The following IP6K3 variants were observed in gnomAD, a reference collection of about 807,000 sequenced individuals.
IP6K3 encodes the protein ATP:1D-myo-inositol-hexakisphosphate phosphotransferase.
IP6K3 carries 20 observed loss-of-function variants against 28.8 expected under a neutral mutation model. The observed-to-expected ratio is 0.70, with a 90% CI of 0.49 to 1.01. IP6K3 has a LOEUF of 1.01. IP6K3 is among the 50% of genes least tolerant of loss of function. The probability of loss-of-function intolerance (pLI) is 0.00; values close to 1 mark genes in which losing one functional copy is unlikely to be tolerated. For missense variants in IP6K3, 480 were observed against 537.1 expected, an observed-to-expected ratio of 0.89 and a Z score of 1.05; for synonymous variants, 213 against 221.3, an observed-to-expected ratio of 0.96 and a Z score of 0.33.
At chr6:33,749,606 C>T (rs1222348767), upstream of IP6K3, among the ~76,000 whole-genome samples, 1 of 150,720 alleles carries the variant, frequency 6.6e-6, no homozygotes, top group Non-Finnish European at 1.5e-5. Flanking sequence ...CCACTCAGGT[C>T]CTCAGGGACA....
intron 1 of IP6K3, among the ~76,000 whole-genome samples, chr6:33,736,824 C>T (rs59957785): frequency 0.056 from 8,564 of 152,272 alleles, 258 homozygotes; most frequent in African/African-American, 0.069. Context: ...CTCAATTTCT[C>T]CTTCTCCCTC....
the IP6K3 span, among the ~76,000 whole-genome samples, chr6:33,752,329 G>A: frequency 7.2e-5 from 11 of 152,242 alleles, no homozygotes; most frequent in Admixed American, 6.5e-4. Context: ...GAACTTTGCT[G>A]CCTTCTCTAG....
chr6:33,750,297 C>T (rs1244052121), upstream of IP6K3, among the ~76,000 whole-genome samples: 2 of 152,224 alleles, frequency 1.3e-5, no homozygotes, highest in African/African-American at 2.4e-5. This position sits in a 1 kb window ranked among gnomAD's most constrained non-coding sequence, Gnocchi z 4.3. Flanking sequence ...ATTCAAGTCA[C>T]GTCACTTTGC....
upstream of IP6K3, among the ~76,000 whole-genome samples, chr6:33,748,763 G>T (rs1006936476): frequency 6.6e-6 from 1 of 151,796 alleles, no homozygotes; most frequent in Non-Finnish European, 1.5e-5. Flanking sequence ...CCACTGTGTG[G>T]ATGGACGTGG....
chr6:33,735,206 T>C (rs1026926451), intron 2 of IP6K3, 72 bp downstream of exon 2: 4 of 1,288,154 alleles, frequency 3.1e-6, no homozygotes, highest in Non-Finnish European at 3.3e-6. Flanking sequence ...CAGGAGGACG[T>C]GGTGGGTGCA....
rs116654614 is a variant in IP6K3 at position 33,728,801 on chromosome 6, C to T, written c.200-501G>A. On this transcript the variant is annotated intron_variant, in intron 2 of 5. Coordinates refer to ENST00000293756, the MANE Select transcript of IP6K3 (RefSeq NM_054111.5). ...CTGAGCACCCTTCTTCTCCCTCCCACGTGTCTTTATCGGACCTGCTTCTTC... is the reference window on the plus strand; with the variant it reads ...CTGAGCACCCTTCTTCTCCCTCCCATGTGTCTTTATCGGACCTGCTTCTTC... Among the ~76,000 whole-genome samples, 734 of 152,278 alleles carry T rather than the reference C, an allele frequency of 4.8e-3. 5 individuals carry two copies. The highest frequency in any genetic ancestry group is 0.012 in the African/African-American group (479 of 41,544).
At chr6:33,745,568 G>C (rs78499595) in intron 1 of IP6K3, among the ~76,000 whole-genome samples, 4 of 152,144 alleles carry the variant, frequency 2.6e-5, no homozygotes, top group African/African-American at 9.7e-5. Context: ...TCACCATGGT[G>C]GGGGGTCGGG....
chr6:33,758,972 G>A, the IP6K3 span, among the ~76,000 whole-genome samples: 5 of 152,196 alleles, frequency 3.3e-5, no homozygotes, highest in Non-Finnish European at 7.3e-5. Context: ...TTTACGTGTC[G>A]TAACACTAAT....
At chr6:33,738,422 T>C (rs564934241) in intron 1 of IP6K3, among the ~76,000 whole-genome samples, 1 of 152,230 alleles carries the variant, frequency 6.6e-6, no homozygotes. Context: ...TCTAAGGACA[T>C]GGATGTCACC....
In IP6K3 at chr6:33,722,942, T is replaced by G; in HGVS notation, c.1011A>C (p.Glu337Asp). 6.2e-7 allele frequency: 1 copy of G among 1,613,824 alleles called. No individual in the cohort carries two copies. The highest frequency in any genetic ancestry group is 8.5e-7 in the Non-Finnish European group (1 of 1,179,962). ...GAGGATGCGGGCTGCCTGGGGCTCT[T>G]TCTGGTGGTTCCTGCCCATCATAGA... ...LVIYDGQEPP[E>D]RAPGSPHPHE... The change falls in exon 6 of 6, where the codon GAA becomes GAC. Residue 337 changes from glutamate to aspartate, a missense_variant. Transcript: ENST00000293756.
intron 3 of IP6K3, among the ~76,000 whole-genome samples, chr6:33,727,415 T>C (rs1766159299): frequency 6.6e-6 from 1 of 152,160 alleles, no homozygotes; most frequent in African/African-American, 2.4e-5. Flanking sequence ...ATCTGTGAAA[T>C]GGAGATAATG....
In IP6K3 at chr6:33,728,300, C is replaced by A. The variant is rs758030368; in HGVS notation, c.200G>T (p.Gly67Val). ...TTTCCAGAGGTGCACTGTGACGGTA[C>A]CTGCAAACACACAGGGAAGGGGAGG... is the stretch of plus-strand genomic sequence containing the variant. ...AMKRFTPQYK[G>V]TVTVHLWKDS... is the part of the protein sequence containing the mutation. Residue 67 changes from glycine (G) to valine (V), a missense_variant and splice_region_variant, in exon 3 of 6, where the codon GGT (glycine) becomes GTT (valine). Physicochemically the swap from Gly to Val is moderately radical, Grantham distance 109. Coordinates refer to ENST00000293756, the MANE Select transcript of IP6K3 (RefSeq NM_054111.5). The A allele has an allele frequency of 1.9e-6, 3 of 1,614,036 alleles. No homozygotes were observed. Among genetic ancestry groups the A allele is most frequent in the Non-Finnish European group, 2.5e-6 (3 of 1,179,952 alleles).
At chr6:33,725,161 G>A (rs1256954378) in intron 5 of IP6K3, among the ~76,000 whole-genome samples, 3 of 151,508 alleles carry the variant, frequency 2.0e-5, no homozygotes, top group African/African-American at 4.9e-5. Context: ...CCCGGGAGGC[G>A]GAGGTTGCAG....
Position 33,722,502 on chromosome 6 carries a change from T to TCATTAAAA in IP6K3, c.*217_*218insTTTTAATG. On this transcript the variant is annotated 3_prime_UTR_variant, in exon 6 of 6. Transcript: ENST00000293756. The stretch of plus-strand genomic sequence containing the variant: ...TTTATCCTGGCTGTCTGTTCTCCGA[T>TCATTAAAA]GAGCAGCATTAGAGCATAATGCCAG... The TCATTAAAA allele has an allele frequency of 1.9e-5, 8 of 419,182 alleles. No individual in the cohort carries two copies. The highest frequency in any genetic ancestry group is 8.1e-5 in the Admixed American group (2 of 24,688). The allele number at this position is 419,182 out of a possible 1,614,324, so 26.0% of individuals were successfully genotyped here. A position where few individuals can be genotyped will look rare whatever the true frequency, so the allele number is the denominator to read the frequency against.
chr6:33,726,681 C>T (rs1280299395), intron 4 of IP6K3, 50 bp downstream of exon 4: 1 of 1,505,964 alleles, frequency 6.6e-7, no homozygotes, highest in Admixed American at 1.9e-5. Flanking sequence ...CTCTGTGTCT[C>T]TCTGTCGCCC....
chr6:33,732,636 G>A (rs953401349), intron 2 of IP6K3, among the ~76,000 whole-genome samples: 28 of 152,330 alleles, frequency 1.8e-4, no homozygotes, highest in Middle Eastern at 3.4e-3. Flanking sequence ...CTCAGTGTCC[G>A]TGTTGGCCTC....
chr6:33,748,252 C>T (rs562721853), upstream of IP6K3, among the ~76,000 whole-genome samples: 1 of 152,228 alleles, frequency 6.6e-6, no homozygotes, highest in African/African-American at 2.4e-5. Flanking sequence ...CCCTCCAGAC[C>T]TGTTGGTGTA....
At chr6:33,752,241 C>T in the IP6K3 span, among the ~76,000 whole-genome samples, 1,175 of 152,348 alleles carry the variant, frequency 7.7e-3, 15 homozygotes, top group African/African-American at 0.022. Context: ...ATTTACAAGG[C>T]CTTCACGGTG....
In IP6K3 at chr6:33,744,035, C is replaced by A. The variant is rs516477; in HGVS notation, c.-180+2723G>T. 0.95 allele frequency among the ~76,000 whole-genome samples: 145,228 copies of A among 152,136 alleles called. 69,481 individuals carry two copies. The highest frequency in any genetic ancestry group is 0.99 in the Non-Finnish European group (67,193 of 68,026). ...TGTCAAGGTGGGAGAAACATGGGGG[C>A]AAGATGACTCACGAAGTCAAGTGCC... On this transcript the variant is annotated intron_variant, in intron 1 of 5. Coordinates refer to ENST00000293756, the MANE Select transcript of IP6K3 (RefSeq NM_054111.5). This position sits in a 1 kb window ranked among gnomAD's most constrained non-coding sequence, Gnocchi z 4.4.
Sources: allele counts gnomAD v4.1 joint callset (sites outside exome capture counted in the v4.1 genomes callset), GRCh38; gene constraint gnomAD v4.1.1; non-coding constraint Gnocchi (gnomAD v3.1); transcripts MANE v1.5; gene names NCBI Gene and HGNC (gene_info 2026-07-23, HGNC 2026-07-21).